Variants in MRPS5 observed in about 807,000 individuals in gnomAD.
MRPS5 encodes the protein small ribosomal subunit protein uS5m.
In MRPS5, 27 loss-of-function variants were observed where a neutral mutation model predicts 51.9. The observed-to-expected ratio is 0.52, with a 90% confidence interval of 0.38 to 0.72. The LOEUF is 0.72. Ranked by LOEUF, MRPS5 falls within the 30% of genes least tolerant of loss-of-function variation. The pLI is 0.00. For synonymous variants in MRPS5, 196 were observed against 193.2 expected, an observed-to-expected ratio of 1.01 and a Z score of -0.12; for missense variants, 570 against 545.7, an observed-to-expected ratio of 1.04 and a Z score of -0.44.
At chr2:95,101,034 G>A in intron 8 of MRPS5, 140 bp from the exon 9 acceptor site, 1 of 639,820 alleles carries the variant, frequency 1.6e-6, no homozygotes, top group Non-Finnish European at 2.6e-6. Context: ...TAAAATATAA[G>A]GACTTATTTT....
At chr2:95,100,151 A>G (rs1025748486) in intron 10 of MRPS5, among the ~76,000 whole-genome samples, 3 of 152,134 alleles carry the variant, frequency 2.0e-5, no homozygotes, top group African/African-American at 7.2e-5. Context: ...AAACACCTAA[A>G]TGCATCAATG....
intron 3 of MRPS5, among the ~76,000 whole-genome samples, chr2:95,112,067 T>C (rs971110036): frequency 4.0e-5 from 6 of 151,290 alleles, no homozygotes; most frequent in African/African-American, 1.5e-4. Flanking sequence ...TAAGTTCATG[T>C]TTTGTTTTTT....
chr2:95,119,919 C>T (rs1399993083), intron 1 of MRPS5, among the ~76,000 whole-genome samples: 3 of 152,018 alleles, frequency 2.0e-5, no homozygotes, highest in Non-Finnish European at 4.4e-5. Context: ...AAAAACTAGC[C>T]GGGCATGGTG....
At chr2:95,105,704 T>C (rs1675929575) in intron 6 of MRPS5, among the ~76,000 whole-genome samples, 1 of 152,168 alleles carries the variant, frequency 6.6e-6, no homozygotes, top group Admixed American at 6.5e-5. Context: ...CACCCACATA[T>C]ATACAAATTC....
At chr2:95,117,002 G>A (rs1338068651) in intron 2 of MRPS5, among the ~76,000 whole-genome samples, 1 of 152,164 alleles carries the variant, frequency 6.6e-6, no homozygotes, top group African/African-American at 2.4e-5. Context: ...TTAGCTGGGT[G>A]TAGTGGCACA....
intron 3 of MRPS5, among the ~76,000 whole-genome samples, chr2:95,111,237 C>T (rs1223348564): frequency 6.6e-5 from 10 of 152,112 alleles, no homozygotes; most frequent in Admixed American, 6.5e-5. Context: ...TTTAAAAGAC[C>T]ACAGGCTCAA....
At chr2:95,098,914 T>G (rs1305617257) in intron 10 of MRPS5, among the ~76,000 whole-genome samples, 1 of 52,830 alleles carries the variant, frequency 1.9e-5, no homozygotes, top group Non-Finnish European at 3.4e-5. Context: ...AAATTATTAT[T>G]ATTATTATTT....
chr2:95,108,238 C>T lies in MRPS5; in HGVS notation c.574G>A (p.Gly192Arg). ...CCTCCCCATGAGTTTCCACTCCATC[C>T]TCGCTCCCGTTTAACCTTCATCTTC... ...KKKMKVKRER[G>R]WSGNSWGGIS... Residue 192 changes from glycine to arginine, a missense_variant, in exon 5 of 12, where the codon GGA becomes AGA. By Grantham distance (125) the Gly-to-Arg change is moderately radical (BLOSUM62 -2). Coordinates refer to ENST00000272418, the MANE Select transcript of MRPS5 (RefSeq NM_031902.5). 2.5e-6 allele frequency: 4 copies of T among 1,614,120 alleles called. No individual in the cohort carries two copies. Among genetic ancestry groups the T allele is most frequent in the Non-Finnish European group, 2.5e-6 (3 of 1,180,016 alleles).
chr2:95,112,364 C>T (rs1339057699), intron 3 of MRPS5, among the ~76,000 whole-genome samples: 5 of 152,136 alleles, frequency 3.3e-5, no homozygotes, highest in Non-Finnish European at 5.9e-5. Context: ...CTGCACCCGG[C>T]CTCATGTTAT....
In MRPS5 at chr2:95,117,907, G is replaced by T. The variant is rs1412075219; in HGVS notation, c.97C>A (p.Pro33Thr). The change falls in exon 2 of 12, where the codon CCA (proline) becomes ACA (threonine). Residue 33 changes from proline (P) to threonine (T), a missense_variant. By Grantham distance (38) the Pro-to-Thr change is conservative. Coordinates refer to ENST00000272418, the MANE Select transcript of MRPS5 (RefSeq NM_031902.5). ...LGRQCSLNTL[P>T]AASILAWKSV... ...TTCCATGCCAAAATGGAAGCTGCTGGTAAGGTGTTTAGGGAACACTGCCTC... is the reference window on the plus strand; with the variant it reads ...TTCCATGCCAAAATGGAAGCTGCTGTTAAGGTGTTTAGGGAACACTGCCTC... The T allele has an allele frequency of 6.2e-7, 1 of 1,608,524 alleles. No individual in the cohort carries two copies. Among genetic ancestry groups the T allele is most frequent in the Admixed American group, 1.7e-5 (1 of 58,288 alleles).
chr2:95,109,780 C>A, intron 4 of MRPS5, 136 bp downstream of exon 4: 1 of 975,780 alleles, frequency 1.0e-6, no homozygotes, highest in Non-Finnish European at 1.5e-6. Flanking sequence ...AGTAAGTCAA[C>A]TGGTTGAATT....
At position 95,090,414 on chromosome 2, in the gene MRPS5, T is replaced by G; in HGVS notation, c.1040A>C (p.Gln347Pro). Residue 347 changes from glutamine to proline, a missense_variant, in exon 11 of 12, where the codon CAG (glutamine) becomes CCG (proline). Gln to Pro is a moderately conservative substitution (Grantham distance 76). Coordinates refer to ENST00000272418, the MANE Select transcript of MRPS5 (RefSeq NM_031902.5). Reference protein sequence around the residue: ...SGSINMLSLTQGLFRGLSRQE... With the variant: ...SGSINMLSLTPGLFRGLSRQE... The stretch of plus-strand genomic sequence containing the variant: ...TCTGGAGAGCCCACGGAAGAGGCCC[T>G]GGGTGAGGCTGAGCATATTAATGGA... 1 of 1,613,914 alleles carries G rather than the reference T, an allele frequency of 6.2e-7. No individual in the cohort carries two copies.
chr2:95,116,124 T>C (rs1676279600), intron 2 of MRPS5, among the ~76,000 whole-genome samples: 1 of 151,976 alleles, frequency 6.6e-6, no homozygotes, highest in Non-Finnish European at 1.5e-5. Flanking sequence ...CAGGCTGGTC[T>C]TGAACTCCTG....
At chr2:95,109,800 T>C (rs940323076) in intron 4 of MRPS5, 116 bp downstream of exon 4, 27 of 1,183,954 alleles carry the variant, frequency 2.3e-5, no homozygotes, top group East Asian at 1.0e-4. Context: ...TCTAAAACCA[T>C]AGATCGTAGT....
intron 10 of MRPS5, among the ~76,000 whole-genome samples, chr2:95,096,793 C>T (rs1385530864): frequency 6.6e-6 from 1 of 152,144 alleles, no homozygotes; most frequent in African/African-American, 2.4e-5. Flanking sequence ...CAGGGAAGCC[C>T]TCTCTCACCA....
intron 10 of MRPS5, among the ~76,000 whole-genome samples, 177 bp downstream of exon 10, chr2:95,100,297 C>T (rs1675758593): frequency 1.3e-5 from 2 of 152,172 alleles, no homozygotes; most frequent in Non-Finnish European, 2.9e-5. Flanking sequence ...AGCCTGTGTG[C>T]CTTGACTATT....
chr2:95,088,876 G>A (rs1675376026), intron 11 of MRPS5, among the ~76,000 whole-genome samples: 1 of 152,216 alleles, frequency 6.6e-6, no homozygotes, highest in Non-Finnish European at 1.5e-5. Flanking sequence ...AGACCAGCCT[G>A]ACCAACATGG....
chr2:95,111,801 G>GT (rs1363093283), intron 3 of MRPS5, among the ~76,000 whole-genome samples: 5 of 151,526 alleles, frequency 3.3e-5, no homozygotes, highest in African/African-American at 7.3e-5. Context: ...TTTGTATCCT[G>GT]TTTTTTTTAA....
At chr2:95,115,593 G>T (rs759015891) in intron 2 of MRPS5, among the ~76,000 whole-genome samples, 35 of 152,170 alleles carry the variant, frequency 2.3e-4, no homozygotes, top group Admixed American at 2.6e-4. Flanking sequence ...AGAGCAAGGT[G>T]CAGGAGAGCA....
Sources: gnomAD v4.1 joint callset for allele counts (sites outside exome capture counted in the v4.1 genomes callset) on GRCh38, gnomAD v4.1.1 for gene constraint, MANE v1.5 for transcripts, NCBI Gene and HGNC (gene_info 2026-07-23, HGNC 2026-07-21) for gene names.